Variants in CHD7 observed in about 807,000 individuals in gnomAD.
CHD7 encodes the protein chromodomain helicase DNA binding protein 7.
CHD7 carries 24 observed loss-of-function variants against 307.3 expected under a neutral mutation model. That is an observed-to-expected ratio of 0.08 (90% CI 0.06 to 0.11). The LOEUF is 0.11. Among genes scored for constraint, CHD7 ranks in the 10% least tolerant of loss-of-function variants. The pLI is 1.00. For synonymous variants in CHD7, 1,363 were observed against 1,349.9 expected (o/e 1.01, Z -0.21); for missense variants, 3,106 against 3,727.1 (o/e 0.83, Z 4.34).
chr8:60,794,870 A>G, intron 3 of CHD7, 116 bp from the exon 4 acceptor site: 1 of 928,142 alleles, frequency 1.1e-6, no homozygotes, highest in Non-Finnish European at 1.6e-6. Context: ...TAAATAGCCA[A>G]TATGTATGGA....
At chr8:60,750,235 C>G (rs1048470613) in intron 2 of CHD7, among the ~76,000 whole-genome samples, 2 of 152,130 alleles carry the variant, frequency 1.3e-5, no homozygotes, top group Admixed American at 6.5e-5. Context: ...TTAAAAGAAG[C>G]CACTTTTGGT....
chr8:60,719,922 T>A (rs1392781626), intron 1 of CHD7, among the ~76,000 whole-genome samples: 1 of 152,230 alleles, frequency 6.6e-6, no homozygotes, highest in Non-Finnish European at 1.5e-5. Flanking sequence ...TGGCTGATTG[T>A]AAGTATGCTT....
intron 6 of CHD7, among the ~76,000 whole-genome samples, chr8:60,804,895 A>G (rs560707866): frequency 6.6e-6 from 1 of 152,370 alleles, no homozygotes; most frequent in African/African-American, 2.4e-5. Flanking sequence ...TGTCATATGA[A>G]TAATAAGGAT....
At chr8:60,824,053 T>C in intron 13 of CHD7, 37 bp downstream of exon 13, 2 of 1,577,320 alleles carry the variant, frequency 1.3e-6, no homozygotes, top group Non-Finnish European at 1.7e-6. Flanking sequence ...TGAACCTGAA[T>C]AGAATTGTTG....
Position 60,865,268 on chromosome 8 carries a change from C to G in CHD7, c.8329C>G (p.Pro2777Ala). The change falls in exon 38 of 38, where the codon CCA (proline) becomes GCA (alanine). Residue 2777 changes from proline to alanine, a missense_variant. Transcript: ENST00000423902. The surrounding 1 kb of genome is among the most constrained non-coding windows in gnomAD (Gnocchi z 4.3). ...GCTGGCAGGCCTCATGGGCTTCCCT[C>G]CAGGACTGGCAACAGCTGCCACCGC... ...LQLAGLMGFP[P>A]GLATAATAGG... 6.2e-7 allele frequency: 1 copy of G among 1,607,740 alleles called. No individual in the cohort carries two copies. The highest frequency in any genetic ancestry group is 8.5e-7 in the Non-Finnish European group (1 of 1,177,180).
chr8:60,768,483 C>G (rs1042233262), intron 2 of CHD7, among the ~76,000 whole-genome samples: 1 of 152,214 alleles, frequency 6.6e-6, no homozygotes, highest in African/African-American at 2.4e-5. Flanking sequence ...GGCTGCAGCC[C>G]TGCAATACCA....
At chr8:60,707,622 G>A (rs1208139637) in intron 1 of CHD7, among the ~76,000 whole-genome samples, 1 of 152,162 alleles carries the variant, frequency 6.6e-6, no homozygotes, top group Non-Finnish European at 1.5e-5. Flanking sequence ...TAGATGACCA[G>A]CACTTGTTTA....
chr8:60,850,317 C>A (rs77454387), intron 25 of CHD7, among the ~76,000 whole-genome samples, 176 bp from the exon 26 acceptor site: 1 of 152,156 alleles, frequency 6.6e-6, no homozygotes. Context: ...CCAGTAGCTT[C>A]CCTAGAAGGA....
intron 31 of CHD7, 93 bp from the exon 32 acceptor site, chr8:60,854,270 T>C: frequency 9.2e-7 from 1 of 1,083,786 alleles, no homozygotes; most frequent in Admixed American, 2.2e-5. Flanking sequence ...AAAATGGAGC[T>C]GATTAGTATT....
At position 60,748,995 on chromosome 8, in the gene CHD7, T is replaced by A. The variant is rs1363384316; in HGVS notation, c.1665+5898T>A. 4.1e-5 allele frequency among the ~76,000 whole-genome samples: 6 copies of A among 147,158 alleles called. No homozygotes were observed. In the East Asian group the frequency reaches 9.9e-4, roughly 24 times the overall value. ...ATTTTTTTTTTTTTTTTTAAAAAAA[T>A]AGCCTTTCAGGGAAAACCTTTTATT... On this transcript the variant is annotated intron_variant, in intron 2 of 37. Coordinates refer to ENST00000423902, the MANE Select transcript of CHD7 (RefSeq NM_017780.4).
chr8:60,853,496 C>A lies in CHD7; in HGVS notation c.6771C>A (p.Pro2257=), dbSNP rs367615733. 2 of 1,510,910 alleles carry A rather than the reference C, an allele frequency of 1.3e-6. No individual in the cohort carries two copies. The highest frequency in any genetic ancestry group is 1.4e-5 in the African/African-American group (1 of 71,674). The allele number at this position is 1,510,910 out of a possible 1,614,324, so 93.6% of individuals were successfully genotyped here. ...DDDKSEESSQ[P]EAGAVSRGKN... Reference sequence around the variant, plus strand: ...ATAAGTCGGAAGAGTCTTCCCAGCCCGAAGGTAAGGCCTTACCACTGGCCC... The same window carrying A: ...ATAAGTCGGAAGAGTCTTCCCAGCCAGAAGGTAAGGCCTTACCACTGGCCC... Residue 2257 remains proline, a synonymous_variant, in exon 31 of 38, where the codon CCC becomes CCA. Coordinates refer to ENST00000423902, the MANE Select transcript of CHD7 (RefSeq NM_017780.4).
intron 15 of CHD7, among the ~76,000 whole-genome samples, chr8:60,835,646 GT>G (rs892853736): frequency 6.6e-6 from 1 of 152,090 alleles, no homozygotes; most frequent in Non-Finnish European, 1.5e-5. Context: ...CTATTCCTTT[GT>G]TTTTTCATTT....
intron 1 of CHD7, among the ~76,000 whole-genome samples, chr8:60,701,612 T>G (rs905583640): frequency 1.3e-5 from 2 of 152,268 alleles, no homozygotes; most frequent in African/African-American, 2.4e-5. Flanking sequence ...AATGGGAATA[T>G]TTCCTGATAT....
rs1060503188 is a variant in CHD7 at position 60,856,592 on chromosome 8, C to G, written c.7312C>G (p.Gln2438Glu). The G allele has an allele frequency of 2.5e-6, 4 of 1,613,984 alleles. No individual in the cohort carries two copies. ...GTCTCAGGTGGTCTCAGAAAATGGACAAGAAAAAGTTGTAGATTTATCAAA... is the reference window on the plus strand; with the variant it reads ...GTCTCAGGTGGTCTCAGAAAATGGAGAAGAAAAAGTTGTAGATTTATCAAA... Reference protein sequence around the residue: ...RESQVVSENGQEKVVDLSKAS... With the variant: ...RESQVVSENGEEKVVDLSKAS... The change falls in exon 34 of 38, where the codon CAA (glutamine) becomes GAA (glutamate). Residue 2438 changes from glutamine to glutamate, a missense_variant. Coordinates refer to ENST00000423902, the MANE Select transcript of CHD7 (RefSeq NM_017780.4).
intron 35 of CHD7, chr8:60,861,345 C>A (rs565999822): frequency 5.9e-5 from 29 of 487,598 alleles, no homozygotes; most frequent in Non-Finnish European, 1.0e-4. Context: ...TTTGAAGATG[C>A]GCGTTATGCA....
At chr8:60,701,904 G>A (rs535393860) in intron 1 of CHD7, among the ~76,000 whole-genome samples, 3 of 152,346 alleles carry the variant, frequency 2.0e-5, no homozygotes, top group African/African-American at 7.2e-5. Flanking sequence ...TGCACCCAGT[G>A]CCAATCCTTA....
chr8:60,744,669 A>C (rs185417649), intron 2 of CHD7, among the ~76,000 whole-genome samples: 1 of 151,802 alleles, frequency 6.6e-6, no homozygotes, highest in Admixed American at 6.6e-5. Context: ...ACTGGCCAAC[A>C]TGGTGAAACC....
intron 1 of CHD7, among the ~76,000 whole-genome samples, chr8:60,725,482 G>A (rs1808119363): frequency 1.3e-5 from 2 of 152,152 alleles, no homozygotes; most frequent in South Asian, 4.1e-4. Flanking sequence ...AAGTAGTTAA[G>A]TCATCCTCAC....
At chr8:60,761,185 C>CT (rs1159606049) in intron 2 of CHD7, among the ~76,000 whole-genome samples, 1 of 151,698 alleles carries the variant, frequency 6.6e-6, no homozygotes, top group African/African-American at 2.4e-5. Flanking sequence ...AGTTCATGTC[C>CT]TTTGTAGGGA....
Sources: gnomAD v4.1 joint callset for allele counts (sites outside exome capture counted in the v4.1 genomes callset) on GRCh38, gnomAD v4.1.1 for gene constraint, Gnocchi (gnomAD v3.1) non-coding constraint, MANE v1.5 for transcripts, NCBI Gene and HGNC (gene_info 2026-07-23, HGNC 2026-07-21) for gene names.